YEATS2: variants seen among roughly 807,000 people sequenced by gnomAD.
YEATS2 encodes YEATS domain-containing protein 2.
In YEATS2, 77 loss-of-function variants were observed where a neutral mutation model predicts 163.2. That is an observed-to-expected ratio of 0.47 (90% CI 0.39 to 0.57). The LOEUF (loss-of-function observed/expected upper bound fraction) is 0.57, where lower values mean the gene tolerates loss of function less well. Among genes scored for constraint, YEATS2 ranks in the 20% least tolerant of loss-of-function variants. The pLI is 0.00. For synonymous variants in YEATS2, 631 were observed against 645.1 expected, an observed-to-expected ratio of 0.98 and a Z score of 0.33; for missense variants, 1,549 against 1,729.8, an observed-to-expected ratio of 0.90 and a Z score of 1.85.
intron 12 of YEATS2, 46 bp downstream of exon 12, chr3:183,756,735 T>A (rs776016310): frequency 1.4e-5 from 18 of 1,328,390 alleles, no homozygotes; most frequent in Non-Finnish European, 1.6e-5. Flanking sequence ...GTTTGATCTT[T>A]ATTAAAAATG....
Position 183,785,285 on chromosome 3 carries a change from C to T in YEATS2, c.2737-840C>T, listed in dbSNP as rs563560420. 4.0e-5 allele frequency among the ~76,000 whole-genome samples: 6 copies of T among 151,696 alleles called. No individual in the cohort carries two copies. The South Asian group carries it at 6.3e-4, about 16-fold the overall frequency. ...GGCAGATCACGAGGTCACGAGAGAT[C>T]GAGACCATCCTGGCCAACATGGTGA... On this transcript the variant is annotated intron_variant, in intron 19 of 30. Coordinates refer to ENST00000305135, the MANE Select transcript of YEATS2 (RefSeq NM_018023.5).
intron 15 of YEATS2, among the ~76,000 whole-genome samples, chr3:183,764,263 C>T (rs1232988996): frequency 6.9e-6 from 1 of 145,670 alleles, no homozygotes; most frequent in Non-Finnish European, 1.5e-5. Context: ...CTCAACTAGT[C>T]AGGAGGCTGA....
chr3:183,787,188 C>G (rs557067823), intron 20 of YEATS2, among the ~76,000 whole-genome samples: 1 of 152,124 alleles, frequency 6.6e-6, no homozygotes, highest in South Asian at 2.1e-4. Context: ...CTCCTGACCT[C>G]GTGATCCACC....
intron 7 of YEATS2, among the ~76,000 whole-genome samples, chr3:183,730,067 T>TGTTTG (rs1717600936): frequency 9.7e-6 from 1 of 103,606 alleles, no homozygotes; most frequent in African/African-American, 4.5e-5. Flanking sequence ...TTTTTTTTTT[T>TGTTTG]TTTTTTTTTT....
chr3:183,756,325 G>A (rs973313540), intron 11 of YEATS2, among the ~76,000 whole-genome samples: 8 of 152,080 alleles, frequency 5.3e-5, no homozygotes, highest in African/African-American at 1.7e-4. Context: ...CCATGGATAA[G>A]GATGCAGAGC....
At chr3:183,808,772 C>T (rs1238450394) in intron 29 of YEATS2, 1 of 172,386 alleles carries the variant, frequency 5.8e-6, no homozygotes, top group Admixed American at 7.4e-5. Context: ...AGGAGAATCG[C>T]TTGAACCCGG....
At chr3:183,781,274 GAGGGGC>G (rs2108436178) in intron 19 of YEATS2, among the ~76,000 whole-genome samples, 1 of 152,296 alleles carries the variant, frequency 6.6e-6, no homozygotes, top group African/African-American at 2.4e-5. Context: ...GCATGGGAGT[GAGGGGC>G]ACACTGGCAT....
rs57050296 is a variant in YEATS2 at position 183,755,741 on chromosome 3, CTTTTTTTTTTT to C, written c.1391-768_1391-758del. Among the ~76,000 whole-genome samples, 17 of 82,204 alleles carry C rather than the reference CTTTTTTTTTTT, an allele frequency of 2.1e-4. 1 individual carries two copies. Among genetic ancestry groups the C allele is most frequent in the African/African-American group, 4.2e-4 (7 of 16,562 alleles). The allele number at this position is 82,204 out of a possible 152,430, so 53.9% of individuals were successfully genotyped here. A position where few individuals can be genotyped will look rare whatever the true frequency, so the allele number is the denominator to read the frequency against. ...ACTTACTGATTTTCTTCCTTCCTTT[CTTTTTTTTTTT>C]TTTTTTTTTTTTTTTTTTGAGACAG... On this transcript the variant is annotated intron_variant, in intron 11 of 30. Transcript: ENST00000305135.
intron 8 of YEATS2, among the ~76,000 whole-genome samples, chr3:183,744,778 T>G (rs1719349165): frequency 6.6e-6 from 1 of 152,198 alleles, no homozygotes; most frequent in Admixed American, 6.5e-5. Flanking sequence ...TAAATATTTG[T>G]TTAGTTGCAG....
At chr3:183,730,607 GAC>G (rs577393385) in intron 7 of YEATS2, among the ~76,000 whole-genome samples, 117 of 152,206 alleles carry the variant, frequency 7.7e-4, no homozygotes, top group African/African-American at 2.6e-3. Flanking sequence ...ATGGCTTCCA[GAC>G]CACCTTTCCC....
chr3:183,803,504 CCTT>C, intron 26 of YEATS2, 169 bp downstream of exon 26: 1 of 661,450 alleles, frequency 1.5e-6, no homozygotes, highest in Non-Finnish European at 2.6e-6. Context: ...TTCAGGCGTG[CCTT>C]CTTTTCCTGC....
At chr3:183,788,713 A>G (rs1157742129) in intron 20 of YEATS2, among the ~76,000 whole-genome samples, 1 of 151,932 alleles carries the variant, frequency 6.6e-6, no homozygotes, top group Non-Finnish European at 1.5e-5. Context: ...TTTTTTGAGG[A>G]CCCTCTGTAC....
rs776020211 is a variant in YEATS2, at chr3:183,752,140, C to G, written c.1037C>G (p.Ser346Cys). The G allele has an allele frequency of 3.7e-6, 6 of 1,614,154 alleles. No homozygotes were observed. In the South Asian group the frequency reaches 5.5e-5, roughly 15 times the overall value. The change falls in exon 10 of 31, where the codon TCT (serine) becomes TGT (cysteine). Residue 346 changes from serine to cysteine, a missense_variant. Physicochemically the swap from Ser to Cys is moderately radical, Grantham distance 112. Coordinates refer to ENST00000305135, the MANE Select transcript of YEATS2 (RefSeq NM_018023.5). ...EDCIYPQSSE[S>C]DISDAPPSLP... ...TGTATCTATCCTCAGTCCTCGGAGT[C>G]TGACATCTCTGATGCCCCTCCATCT...
rs1412687859 is a variant in YEATS2, at chr3:183,790,988, G to A, written c.3097+8G>A. 1.2e-6 allele frequency: 2 copies of A among 1,608,510 alleles called. No individual in the cohort carries two copies. The highest frequency in any genetic ancestry group is 1.7e-6 in the Non-Finnish European group (2 of 1,176,398). ...GGAAAGCCACAGTATCCGGTGAGTT[G>A]CATTGTGATATTATTTCTCTCTCTT... On this transcript the variant is annotated splice_region_variant and intron_variant, in intron 21 of 30. Transcript: ENST00000305135.
intron 8 of YEATS2, among the ~76,000 whole-genome samples, chr3:183,741,331 G>A (rs1301385131): frequency 6.6e-6 from 1 of 152,114 alleles, no homozygotes; most frequent in Non-Finnish European, 1.5e-5. Context: ...CTCTGCCTCT[G>A]CTTTATAAAT....
At chr3:183,723,102 C>T (rs369119468) in intron 5 of YEATS2, among the ~76,000 whole-genome samples, 3 of 152,216 alleles carry the variant, frequency 2.0e-5, no homozygotes, top group Non-Finnish European at 2.9e-5. Context: ...TTTATTCTCT[C>T]GAGAGCAGCC....
At chr3:183,801,645 A>G in intron 25 of YEATS2, 117 bp downstream of exon 25, 1 of 772,134 alleles carries the variant, frequency 1.3e-6, no homozygotes, top group Non-Finnish European at 2.0e-6. Flanking sequence ...GTTACCTTAT[A>G]AGGTTTCAGC....
At chr3:183,753,765 AAGAT>A (rs2109299463) in intron 10 of YEATS2, among the ~76,000 whole-genome samples, 1 of 152,282 alleles carries the variant, frequency 6.6e-6, no homozygotes, top group East Asian at 1.9e-4. Flanking sequence ...GTAAATAAAT[AAGAT>A]AGGAGGATAT....
chr3:183,797,269 G>GAAAAAAAAAAA (rs1167929691), intron 21 of YEATS2, among the ~76,000 whole-genome samples: 1 of 72,616 alleles, frequency 1.4e-5, no homozygotes. Context: ...ATCCAACTCT[G>GAAAAAAAAAAA]AAAAAAAAAA....
Sources: gnomAD v4.1 joint callset for allele counts (sites outside exome capture counted in the v4.1 genomes callset) on GRCh38, gnomAD v4.1.1 for gene constraint, MANE v1.5 for transcripts, NCBI Gene and HGNC (gene_info 2026-07-23, HGNC 2026-07-21) for gene names.